The following PAH variants were observed in gnomAD, a reference collection of about 807,000 sequenced individuals.
PAH encodes the protein phenylalanine-4-hydroxylase.
A neutral mutation model predicts 62.0 loss-of-function variants in PAH; 64 were observed. The ratio of observed to expected loss-of-function variants is 1.03; its 90% CI spans 0.84 to 1.27. The LOEUF (loss-of-function observed/expected upper bound fraction) is 1.27, where lower values mean the gene tolerates loss of function less well. PAH is among the 50% of genes most tolerant of loss of function. PAH has a pLI of 0.00. For missense variants in PAH, 579 were observed against 542.8 expected (o/e 1.07, Z -0.66); for synonymous variants, 195 against 196.2 (o/e 0.99, Z 0.05).
chr12:102,954,975 G>A (rs1311325348), upstream of PAH, among the ~76,000 whole-genome samples: 4 of 152,132 alleles, frequency 2.6e-5, no homozygotes, highest in Admixed American at 1.3e-4. Context: ...AAGCATGTAA[G>A]GAAGAAAACT....
Position 102,855,180 on chromosome 12 carries a change from T to C in PAH, c.662A>G (p.Glu221Gly), listed in dbSNP as rs62514934. The change falls in exon 6 of 13, where the codon GAA (glutamate) becomes GGA (glycine). Residue 221 changes from glutamate to glycine, a missense_variant. Transcript: ENST00000553106. ...PLLEKYCGFH[E>G]DNIPQLEDVS... ...GTCTTCCAGCTGGGGAATGTTATCT[T>C]CATGGAAGCCACAGTACTTTTCAAG... 2 of 1,614,210 alleles carry C rather than the reference T, an allele frequency of 1.2e-6. No individual in the cohort carries two copies. Among genetic ancestry groups the C allele is most frequent in the Non-Finnish European group, 1.7e-6 (2 of 1,180,012 alleles).
intron 1 of PAH, among the ~76,000 whole-genome samples, chr12:102,956,866 T>C (rs1424419930): frequency 6.6e-6 from 1 of 151,954 alleles, no homozygotes; most frequent in Non-Finnish European, 1.5e-5. Context: ...TGCTCAGTTA[T>C]GGGGAGCACA....
chr12:102,926,031 C>T (rs1359024444), intron 1 of PAH, among the ~76,000 whole-genome samples: 5 of 151,956 alleles, frequency 3.3e-5, no homozygotes, highest in Admixed American at 1.3e-4. Flanking sequence ...ATTCAACAAA[C>T]GTTTGTTGAA....
chr12:102,947,175 T>C (rs1268986093), intron 1 of PAH, among the ~76,000 whole-genome samples: 1 of 151,878 alleles, frequency 6.6e-6, no homozygotes, highest in Admixed American at 6.6e-5. Context: ...ATGTGTGTGT[T>C]TGTGTGTGTA....
At chr12:102,923,871 G>C (rs571199174) in intron 1 of PAH, among the ~76,000 whole-genome samples, 1 of 152,248 alleles carries the variant, frequency 6.6e-6, no homozygotes, top group South Asian at 2.1e-4. Context: ...TCACCGTGCA[G>C]CCTATTTTAA....
chr12:102,917,000 G>T (rs1878407331), intron 1 of PAH, 71 bp downstream of exon 1: 1 of 1,327,260 alleles, frequency 7.5e-7, no homozygotes. Context: ...GGAAGCACCA[G>T]CAGTCTTCGG....
chr12:102,942,174 T>C (rs1490529928), intron 1 of PAH, among the ~76,000 whole-genome samples: 3 of 152,068 alleles, frequency 2.0e-5, no homozygotes, highest in Non-Finnish European at 2.9e-5. Context: ...AAAACCCCAT[T>C]GTGTCTGCTC....
At chr12:102,867,105 C>T (rs1372800726) in intron 4 of PAH, among the ~76,000 whole-genome samples, 1 of 152,158 alleles carries the variant, frequency 6.6e-6, no homozygotes, top group East Asian at 1.9e-4. Flanking sequence ...TTTAAAAATA[C>T]CATTGATTAA....
intron 1 of PAH, chr12:102,946,819 A>T (rs541451996): frequency 4.6e-5 from 7 of 152,336 alleles, no homozygotes; most frequent in African/African-American, 1.7e-4. Flanking sequence ...GGAGAATGAT[A>T]GGTGAAGGCT....
intron 1 of PAH, among the ~76,000 whole-genome samples, chr12:102,930,230 G>A (rs1878811243): frequency 6.6e-6 from 1 of 152,100 alleles, no homozygotes; most frequent in African/African-American, 2.4e-5. Context: ...TTCAGTATGT[G>A]TTTACCACCT....
chr12:102,940,061 A>G (rs71466251), intron 1 of PAH, among the ~76,000 whole-genome samples: 1 of 152,238 alleles, frequency 6.6e-6, no homozygotes, highest in South Asian at 2.1e-4. Context: ...CTGAAACTAC[A>G]ATAGCAAAAA....
intron 4 of PAH, among the ~76,000 whole-genome samples, chr12:102,872,827 G>C (rs1019197048): frequency 6.6e-6 from 1 of 152,180 alleles, no homozygotes; most frequent in African/African-American, 2.4e-5. Flanking sequence ...AATTAGCTGG[G>C]TGTGGTGGCA....
intron 2 of PAH, among the ~76,000 whole-genome samples, chr12:102,907,400 T>G (rs1878019659): frequency 6.6e-6 from 1 of 152,198 alleles, no homozygotes; most frequent in African/African-American, 2.4e-5. Flanking sequence ...CCATTTCCAC[T>G]GCACATTAGC....
chr12:102,875,009 G>C (rs983640525), intron 4 of PAH, among the ~76,000 whole-genome samples: 7 of 152,158 alleles, frequency 4.6e-5, no homozygotes, highest in Non-Finnish European at 1.0e-4. Context: ...CCTTGTGCTG[G>C]TGTCTGTTTG....
Position 102,937,925 on chromosome 12 carries a change from A to C in PAH, c.-96+12664T>G, listed in dbSNP as rs114746805. On this transcript the variant is annotated intron_variant, in intron 1 of 3. Transcript: ENST00000546844. ...TTTATTTCTCCTTCATGTTTGAAGA[A>C]CTTTTTGGCTGGATATACTACTCTA... 5.9e-3 allele frequency among the ~76,000 whole-genome samples: 895 copies of C among 152,302 alleles called. 13 individuals are homozygous for C. The highest frequency in any genetic ancestry group is 0.02 in the African/African-American group (848 of 41,564).
At chr12:102,951,316 G>C (rs908636286), upstream of PAH, among the ~76,000 whole-genome samples, 1 of 152,118 alleles carries the variant, frequency 6.6e-6, no homozygotes, top group African/African-American at 2.4e-5. Flanking sequence ...GACTCCTTAC[G>C]GCTCAGGAGT....
chr12:102,923,844 T>C (rs1320446072), intron 1 of PAH, among the ~76,000 whole-genome samples: 1 of 152,100 alleles, frequency 6.6e-6, no homozygotes, highest in Admixed American at 6.6e-5. Flanking sequence ...CACAATCAAT[T>C]GTCTTTTGGG....
chr12:102,853,279 A>G (rs1264417175), intron 6 of PAH: 2 of 357,810 alleles, frequency 5.6e-6, no homozygotes, highest in East Asian at 7.0e-5. Flanking sequence ...TTTAGCTTTC[A>G]TTACCATTTG....
chr12:102,958,242 C>A, exon 1 of PAH: 2 of 1,468,046 alleles, frequency 1.4e-6, no homozygotes, highest in Non-Finnish European at 9.0e-7. Flanking sequence ...GCCGCCGCTG[C>A]GCATGGAAAG....
Sources: gnomAD v4.1 joint callset for allele counts (sites outside exome capture counted in the v4.1 genomes callset) on GRCh38, gnomAD v4.1.1 for gene constraint, MANE v1.5 for transcripts, NCBI Gene and HGNC (gene_info 2026-07-23, HGNC 2026-07-21) for gene names.